Variants in NTN1 observed in about 807,000 individuals in gnomAD.
NTN1 encodes netrin 1.
In NTN1, 11 loss-of-function variants were observed where a neutral mutation model predicts 54.2. The observed-to-expected ratio is 0.20, with a 90% CI of 0.13 to 0.34. NTN1 has a LOEUF of 0.34. Among genes scored for constraint, NTN1 ranks in the 10% least tolerant of loss-of-function variants. The pLI is 1.00. For missense variants in NTN1, 740 were observed against 893.1 expected, an observed-to-expected ratio of 0.83 and a Z score of 2.18; for synonymous variants, 371 against 382.0, an observed-to-expected ratio of 0.97 and a Z score of 0.33.
At chr17:9,139,249 A>C (rs966700198) in intron 2 of NTN1, among the ~76,000 whole-genome samples, 26 of 152,242 alleles carry the variant, frequency 1.7e-4, no homozygotes, top group African/African-American at 6.3e-4. Context: ...TCAGACAATA[A>C]ATGAGGTGCT....
intron 5 of NTN1, among the ~76,000 whole-genome samples, chr17:9,189,504 A>G (rs1323802345): frequency 6.6e-6 from 1 of 152,158 alleles, no homozygotes; most frequent in African/African-American, 2.4e-5. Context: ...GGCACGTGCC[A>G]CTACGCCTGG....
intron 6 of NTN1, among the ~76,000 whole-genome samples, chr17:9,237,427 C>T (rs1597555402): frequency 6.6e-6 from 1 of 152,230 alleles, no homozygotes; most frequent in East Asian, 1.9e-4. Flanking sequence ...ACCCTATCTC[C>T]AAGTAAAGTC....
At chr17:9,164,745 G>T (rs928511598) in intron 3 of NTN1, among the ~76,000 whole-genome samples, 4 of 152,170 alleles carry the variant, frequency 2.6e-5, no homozygotes, top group Admixed American at 6.5e-5. Flanking sequence ...TGCCTCTGGT[G>T]GTTGCCAAGA....
At chr17:9,172,488 G>A (rs940951160) in intron 3 of NTN1, among the ~76,000 whole-genome samples, 2 of 151,414 alleles carry the variant, frequency 1.3e-5, no homozygotes, top group African/African-American at 4.8e-5. Context: ...CAAAAAAAGA[G>A]AAGCTCCTTC....
intron 2 of NTN1, among the ~76,000 whole-genome samples, chr17:9,033,217 G>T (rs985767316): frequency 1.3e-5 from 2 of 152,112 alleles, no homozygotes; most frequent in Admixed American, 6.5e-5. Context: ...GCCTCCAAAA[G>T]TGCTGGGATT....
In NTN1 at chr17:9,182,390, G is replaced by A. The variant is rs571778300; in HGVS notation, c.1358-526G>A. Reference sequence around the variant, plus strand: ...CTGCCCATTAAGAAAATGCCTTAGCGCTTGAGATGTGAGGCTGTAGGAACC... The same window carrying A: ...CTGCCCATTAAGAAAATGCCTTAGCACTTGAGATGTGAGGCTGTAGGAACC... On this transcript the variant is annotated intron_variant, in intron 4 of 6. Coordinates refer to ENST00000173229, the MANE Select transcript of NTN1 (RefSeq NM_004822.3). 6.6e-5 allele frequency among the ~76,000 whole-genome samples: 10 copies of A among 152,310 alleles called. No individual in the cohort carries two copies. The East Asian group carries it at 1.4e-3, about 21-fold the overall frequency.
rs987743400 is a variant in NTN1, at chr17:9,239,088, G to A, written c.1487-552G>A. ...TGGGAAGCGGCAGTCCAAGGTTCCC[G>A]GGGCTCTGGAAAAGGCACTACGGCC... On this transcript the variant is annotated intron_variant, in intron 6 of 6. Coordinates refer to ENST00000173229, the MANE Select transcript of NTN1 (RefSeq NM_004822.3). This position sits in a 1 kb window ranked among gnomAD's most constrained non-coding sequence, Gnocchi z 5.2. Among the ~76,000 whole-genome samples the A allele has an allele frequency of 4.6e-5, 7 of 152,332 alleles. No homozygotes were observed. In the South Asian group the frequency reaches 8.3e-4, roughly 18 times the overall value.
chr17:9,061,946 G>T (rs1597474091), intron 2 of NTN1, among the ~76,000 whole-genome samples: 1 of 151,938 alleles, frequency 6.6e-6, no homozygotes. Flanking sequence ...CTCGTGATGC[G>T]CCTGCCTCGG....
intron 2 of NTN1, among the ~76,000 whole-genome samples, chr17:9,119,723 C>A (rs1204718674): frequency 2.0e-5 from 3 of 152,074 alleles, no homozygotes; most frequent in Non-Finnish European, 4.4e-5. Flanking sequence ...GTCTCGAACT[C>A]CTGGCCTCAA....
intron 6 of NTN1, among the ~76,000 whole-genome samples, chr17:9,233,444 C>A (rs1253620093): frequency 2.0e-5 from 3 of 151,992 alleles, no homozygotes; most frequent in Admixed American, 1.3e-4. Flanking sequence ...GGAGGTCCAC[C>A]AAATCTGCAA....
At chr17:9,116,571 T>G (rs1426689808) in intron 2 of NTN1, among the ~76,000 whole-genome samples, 1 of 152,160 alleles carries the variant, frequency 6.6e-6, no homozygotes, top group Non-Finnish European at 1.5e-5. Flanking sequence ...CCCAGGGCTT[T>G]CTGTAGATAG....
In NTN1 at chr17:9,023,141, G is replaced by T. The variant is rs1401307559; in HGVS notation, c.768G>T (p.Thr256=). 6.4e-7 allele frequency: 1 copy of T among 1,564,090 alleles called. No homozygotes were observed. The highest frequency in any genetic ancestry group is 1.2e-5 in the South Asian group (1 of 85,906). Reference sequence around the variant, plus strand: ...GCGTGGCCTTCAGCCGCCTGCACACGTTCGGCGACGAGAACGAGGACGACT... The same window carrying T: ...GCGTGGCCTTCAGCCGCCTGCACACTTTCGGCGACGAGAACGAGGACGACT... ...DIRVAFSRLH[T]FGDENEDDSE... is the part of the protein sequence containing the mutation. Residue 256 remains threonine (T), a synonymous_variant, in exon 2 of 7, where the codon ACG becomes ACT. Transcript: ENST00000173229.
chr17:9,093,739 C>T (rs1036386687), intron 2 of NTN1, among the ~76,000 whole-genome samples: 5 of 151,984 alleles, frequency 3.3e-5, no homozygotes, highest in Admixed American at 6.6e-5. Flanking sequence ...TTTGGGAAGC[C>T]GAGGCAGGTG....
At chr17:9,105,909 C>T (rs1157561664) in intron 2 of NTN1, among the ~76,000 whole-genome samples, 9 of 151,344 alleles carry the variant, frequency 5.9e-5, no homozygotes, top group South Asian at 2.1e-4. Flanking sequence ...CCTGGTATTC[C>T]GATTTAAAAA....
At chr17:9,164,163 T>C (rs2092367152) in intron 3 of NTN1, among the ~76,000 whole-genome samples, 1 of 152,146 alleles carries the variant, frequency 6.6e-6, no homozygotes, top group African/African-American at 2.4e-5. Context: ...AAAATGAAAA[T>C]AGGGGGCTTC....
At chr17:9,075,456 G>T (rs1260889943) in intron 2 of NTN1, among the ~76,000 whole-genome samples, 1 of 152,074 alleles carries the variant, frequency 6.6e-6, no homozygotes, top group Admixed American at 6.6e-5. Context: ...CACTCCAGCT[G>T]GGTGACAGAG....
In NTN1 at chr17:9,239,570, C is replaced by T. The variant is rs1354226215; in HGVS notation, c.1487-70C>T. ...GGGCTGGGTCTCCTTTCCCTTCTCC[C>T]CAGGCTCAGGCAGGGCGGACCTAGC... On this transcript the variant is annotated intron_variant, in intron 6 of 6. Transcript: ENST00000173229. The surrounding 1 kb of genome is among the most constrained non-coding windows in gnomAD (Gnocchi z 5.2). 1.3e-6 allele frequency: 2 copies of T among 1,499,882 alleles called. No homozygotes were observed. The highest frequency in any genetic ancestry group is 1.4e-5 in the African/African-American group (1 of 72,990). 92.9% of individuals were successfully genotyped at this position (1,499,882 alleles called of 1,614,324 possible).
chr17:9,014,646 C>A, the NTN1 span, among the ~76,000 whole-genome samples: 1 of 152,214 alleles, frequency 6.6e-6, no homozygotes, highest in Admixed American at 6.5e-5. Context: ...TGCTCACCCT[C>A]CTGGAGAGGC....
At chr17:9,116,348 T>C (rs2092212404) in intron 2 of NTN1, among the ~76,000 whole-genome samples, 3 of 124,246 alleles carry the variant, frequency 2.4e-5, no homozygotes. Flanking sequence ...TCACCACGTC[T>C]TTCTCATCCC....
Sources: allele counts gnomAD v4.1 joint callset (sites outside exome capture counted in the v4.1 genomes callset), GRCh38; gene constraint gnomAD v4.1.1; non-coding constraint Gnocchi (gnomAD v3.1); transcripts MANE v1.5; gene names NCBI Gene and HGNC (gene_info 2026-07-23, HGNC 2026-07-21).